ARHGEF3: variants seen among roughly 807,000 people sequenced by gnomAD.
The protein encoded by ARHGEF3 is Rho guanine nucleotide exchange factor 3, also known as 59.8 kDA protein.
ARHGEF3 carries 28 observed loss-of-function variants against 63.2 expected under a neutral mutation model. The observed-to-expected ratio is 0.44, with a 90% CI of 0.33 to 0.61. The LOEUF (loss-of-function observed/expected upper bound fraction) is 0.61, where lower values mean the gene tolerates loss of function less well. ARHGEF3 is among the 20% of genes least tolerant of loss of function. ARHGEF3 has a pLI of 0.03. For synonymous variants in ARHGEF3, 266 were observed against 254.2 expected, an observed-to-expected ratio of 1.05 and a Z score of -0.44; for missense variants, 533 against 659.3, an observed-to-expected ratio of 0.81 and a Z score of 2.10.
intron 2 of ARHGEF3, among the ~76,000 whole-genome samples, chr3:57,034,493 A>G (rs1219002287): frequency 1.3e-5 from 2 of 152,066 alleles, no homozygotes; most frequent in Non-Finnish European, 1.5e-5. Flanking sequence ...ATTTAATTCT[A>G]TATCACATTG....
At chr3:56,811,866 A>G (rs548197296) in intron 4 of ARHGEF3, among the ~76,000 whole-genome samples, 1 of 152,176 alleles carries the variant, frequency 6.6e-6, no homozygotes, top group Non-Finnish European at 1.5e-5. Context: ...CCTCTCATTC[A>G]AGGTTGTCTG....
At chr3:56,859,548 G>GTC (rs1355564081) in intron 4 of ARHGEF3, among the ~76,000 whole-genome samples, 11 of 138,448 alleles carry the variant, frequency 7.9e-5, no homozygotes, top group African/African-American at 3.0e-4. Context: ...TTTTTTTTTT[G>GTC]AGACAGGGTC....
intron 4 of ARHGEF3, among the ~76,000 whole-genome samples, chr3:56,845,384 C>G (rs1013085957): frequency 6.6e-6 from 1 of 152,188 alleles, no homozygotes; most frequent in Admixed American, 6.5e-5. Flanking sequence ...TTCCATGTCT[C>G]CATCTGAACA....
chr3:56,943,038 G>A (rs1038961203), intron 3 of ARHGEF3, among the ~76,000 whole-genome samples: 4 of 152,188 alleles, frequency 2.6e-5, no homozygotes, highest in African/African-American at 9.7e-5. Context: ...GCAAGATGAA[G>A]CAGCAAGTCC....
intron 4 of ARHGEF3, among the ~76,000 whole-genome samples, chr3:56,860,568 T>C (rs1483406146): frequency 6.6e-6 from 1 of 152,240 alleles, no homozygotes; most frequent in African/African-American, 2.4e-5. Flanking sequence ...CAGTATAATG[T>C]GAAGAGAAAA....
chr3:56,865,409 C>G (rs1429371918), intron 4 of ARHGEF3, among the ~76,000 whole-genome samples: 1 of 152,124 alleles, frequency 6.6e-6, no homozygotes, highest in Non-Finnish European at 1.5e-5. Flanking sequence ...TATGATGAAA[C>G]CTTCTTTTCT....
At chr3:56,860,590 TC>T (rs2040039996) in intron 4 of ARHGEF3, among the ~76,000 whole-genome samples, 1 of 152,252 alleles carries the variant, frequency 6.6e-6, no homozygotes, top group Admixed American at 6.5e-5. Flanking sequence ...CACAGTGGGT[TC>T]TTTTGGTGAC....
chr3:56,827,818 G>C (rs2038785704), intron 4 of ARHGEF3, among the ~76,000 whole-genome samples: 1 of 140,596 alleles, frequency 7.1e-6, no homozygotes, highest in Non-Finnish European at 1.5e-5. Flanking sequence ...CACTCCCGTA[G>C]TCCCAGCAAC....
chr3:56,894,256 G>A (rs1426262204), intron 3 of ARHGEF3, among the ~76,000 whole-genome samples: 1 of 152,160 alleles, frequency 6.6e-6, no homozygotes, highest in East Asian at 1.9e-4. Context: ...TGTTCTTTCT[G>A]AGAACAGACA....
chr3:56,984,411 T>C (rs1701453528), intron 2 of ARHGEF3, among the ~76,000 whole-genome samples: 1 of 152,008 alleles, frequency 6.6e-6, no homozygotes, highest in South Asian at 2.1e-4. Flanking sequence ...GACAAGCACA[T>C]GATGGGTAGG....
intron 2 of ARHGEF3, among the ~76,000 whole-genome samples, chr3:56,963,391 T>C (rs1700360513): frequency 6.6e-6 from 1 of 152,122 alleles, no homozygotes; most frequent in African/African-American, 2.4e-5. Flanking sequence ...GGGTAAAATA[T>C]ACACAAAAGA....
At position 56,843,105 on chromosome 3, in the gene ARHGEF3, G is replaced by T. The variant is rs1305185021; in HGVS notation, c.192+39187C>A. ...CCTCCTCAGAGAGAACCAGTTTAGG[G>T]TTTTAACTCAGAATCAATTTAATGA... On this transcript the variant is annotated intron_variant, in intron 4 of 12. Coordinates refer to the ARHGEF3 transcript ENST00000338458. Among the ~76,000 whole-genome samples, 3 of 152,254 alleles carry T rather than the reference G, an allele frequency of 2.0e-5. No individual in the cohort carries two copies. In the East Asian group the frequency reaches 5.8e-4, roughly 29 times the overall value.
intron 3 of ARHGEF3, among the ~76,000 whole-genome samples, chr3:56,906,970 A>G (rs1048068300): frequency 7.4e-6 from 1 of 135,712 alleles, no homozygotes; most frequent in Non-Finnish European, 1.6e-5. Flanking sequence ...TGTGGCTCAC[A>G]TTCTATTTTT....
intron 1 of ARHGEF3, among the ~76,000 whole-genome samples, chr3:56,779,383 G>A (rs775333314): frequency 3.3e-5 from 5 of 152,194 alleles, no homozygotes; most frequent in Non-Finnish European, 7.3e-5. Context: ...AGTTGTCAAA[G>A]CTAGGTGCAG....
chr3:56,742,042 G>A (rs2034072310), intron 7 of ARHGEF3, among the ~76,000 whole-genome samples: 1 of 152,208 alleles, frequency 6.6e-6, no homozygotes, highest in South Asian at 2.1e-4. Flanking sequence ...CATCCTCAAA[G>A]TGGACTCTGA....
intron 4 of ARHGEF3, among the ~76,000 whole-genome samples, chr3:56,872,362 C>T (rs545653863): frequency 3.3e-5 from 5 of 152,144 alleles, no homozygotes; most frequent in Admixed American, 2.0e-4. Flanking sequence ...AGGAGCATAA[C>T]GTATATAGCA....
intron 1 of ARHGEF3, chr3:56,775,121 G>A (rs1363561290): frequency 6.5e-7 from 1 of 1,548,742 alleles, no homozygotes; most frequent in South Asian, 1.2e-5. Context: ...CATTTCCAGA[G>A]GGAGCCTCTA....
At chr3:57,025,594 T>C (rs1396833016) in intron 2 of ARHGEF3, among the ~76,000 whole-genome samples, 1 of 152,176 alleles carries the variant, frequency 6.6e-6, no homozygotes, top group African/African-American at 2.4e-5. Context: ...CAGAAACTCA[T>C]TTGCCCTAAC....
At chr3:56,923,050 ATATATATATATATATATATAT>A (rs1330455370) in intron 3 of ARHGEF3, among the ~76,000 whole-genome samples, 270 of 23,692 alleles carry the variant, frequency 0.011, 7 homozygotes, top group South Asian at 0.088. Context: ...ATATATATAT[ATATATATATATATATATATAT>A]ATATAAATTA....
Sources: allele counts gnomAD v4.1 joint callset (sites outside exome capture counted in the v4.1 genomes callset), GRCh38; gene constraint gnomAD v4.1.1; transcripts MANE v1.5; gene names NCBI Gene and HGNC (gene_info 2026-07-23, HGNC 2026-07-21).